Variants in LHX9 observed in about 807,000 individuals in gnomAD.
LHX9 encodes LIM/homeobox protein Lhx9.
A neutral mutation model predicts 36.5 loss-of-function variants in LHX9; 9 were observed. That is an observed-to-expected ratio of 0.25 (90% CI 0.15 to 0.43). The LOEUF is 0.43. Ranked by LOEUF, LHX9 falls within the 20% of genes least tolerant of loss-of-function variation. The pLI is 1.00. For synonymous variants in LHX9, 211 were observed against 212.1 expected, an observed-to-expected ratio of 0.99 and a Z score of 0.04; for missense variants, 464 against 526.4, an observed-to-expected ratio of 0.88 and a Z score of 1.16.
chr1:197,917,628 C>A lies in LHX9; in HGVS notation c.-196C>A. The A allele has an allele frequency of 6.6e-7, 1 of 1,504,880 alleles. No homozygotes were observed. Among genetic ancestry groups the A allele is most frequent in the East Asian group, 2.5e-5 (1 of 39,740 alleles). 93.2% of individuals were successfully genotyped at this position (1,504,880 alleles called of 1,614,324 possible). A position where few individuals can be genotyped will look rare whatever the true frequency, so the allele number is the denominator to read the frequency against. On this transcript the variant is annotated 5_prime_UTR_variant, in exon 1 of 5. Transcript: ENST00000367387. ...CTCCTTCAGGGAGCCGCTGAGGCTT[C>A]CCCCCAACTCTTCCCAGTTCTTTTT... is the stretch of plus-strand genomic sequence containing the variant.
At chr1:197,917,340 C>G (rs989162813), upstream of LHX9, 2 of 1,275,276 alleles carry the variant, frequency 1.6e-6, no homozygotes, top group East Asian at 5.5e-5. Context: ...GCTTTAGTCT[C>G]TTAACAAATT....
At chr1:197,912,748 G>A (rs578032471), upstream of LHX9, 12 of 682,686 alleles carry the variant, frequency 1.8e-5, no homozygotes, top group East Asian at 7.6e-5. Flanking sequence ...CTCCTGATAG[G>A]ACTCCTGAAA....
At chr1:197,913,569 C>T (rs1403430565), upstream of LHX9, among the ~76,000 whole-genome samples, 2 of 152,300 alleles carry the variant, frequency 1.3e-5, no homozygotes, top group African/African-American at 4.8e-5. Flanking sequence ...CCCAGCGTGT[C>T]CCGGCAATCC....
In LHX9 at chr1:197,921,160, T is replaced by G. The variant is rs1659972527; in HGVS notation, c.378-144T>G. ...TTATCAGAAAAGGTCGATGAGCAAA[T>G]AAAATTAATGCCTACTCTCCTGTCC... On this transcript the variant is annotated intron_variant, in intron 2 of 4. Transcript: ENST00000367387. The surrounding 1 kb of genome is among the most constrained non-coding windows in gnomAD (Gnocchi z 4.6). 6.9e-6 allele frequency: 4 copies of G among 583,428 alleles called. No individual in the cohort carries two copies. The highest frequency in any genetic ancestry group is 8.9e-6 in the Non-Finnish European group (3 of 338,820). 36.1% of individuals were successfully genotyped at this position (583,428 alleles called of 1,614,324 possible).
intron 2 of LHX9, among the ~76,000 whole-genome samples, chr1:197,920,793 C>G (rs1035197217): frequency 2.0e-5 from 3 of 152,112 alleles, no homozygotes; most frequent in Admixed American, 1.3e-4. Context: ...GTGCAGGTGA[C>G]CTAGTTCCGC....
rs980509837 is a variant in LHX9 at position 197,932,316 on chromosome 1, A to G, written c.*3057A>G. 1.5e-5 allele frequency: 3 copies of G among 203,138 alleles called. No homozygotes were observed. The highest frequency in any genetic ancestry group is 6.9e-5 in the African/African-American group (3 of 43,400). The allele number at this position is 203,138 out of a possible 1,614,324, so 12.6% of individuals were successfully genotyped here. ...AGCACAGTTGTAAAATAAAGTCCAA[A>G]ACATTCATTTCACCTGCTTGCTAAT... On this transcript the variant is annotated 3_prime_UTR_variant, in exon 5 of 5. Coordinates refer to ENST00000367387, the MANE Select transcript of LHX9 (RefSeq NM_020204.3).
rs144559556 is a variant in LHX9 at position 197,933,432 on chromosome 1, TGTCA to T, written c.*4176_*4179del. 3.8e-4 allele frequency: 58 copies of T among 152,294 alleles called. 1 individual carries two copies. In the East Asian group the frequency reaches 0.011, roughly 28 times the overall value. The allele number at this position is 152,294 out of a possible 1,614,324, so 9.4% of individuals were successfully genotyped here. On this transcript the variant is annotated 3_prime_UTR_variant, in exon 5 of 5. Transcript: ENST00000367387. ...GAGTGATCACAAATCATGCTGGTTTTGTCAGTAACTTGAATGTTTATGCCTCATT... is the reference window on the plus strand; with the variant it reads ...GAGTGATCACAAATCATGCTGGTTTTGTAACTTGAATGTTTATGCCTCATT...
Position 197,921,718 on chromosome 1 carries a change from A to G in LHX9, c.733+59A>G, listed in dbSNP as rs980744338. On this transcript the variant is annotated intron_variant, in intron 3 of 4. Transcript: ENST00000367387. The surrounding 1 kb of genome is among the most constrained non-coding windows in gnomAD (Gnocchi z 4.6). The stretch of plus-strand genomic sequence containing the variant: ...CGGCCTCCCTGAGGAAAATTCGTAG[A>G]GCTCCTTCCCCGTCCAAAGTCTTGC... 7.3e-7 allele frequency: 1 copy of G among 1,376,964 alleles called. No individual in the cohort carries two copies. Among genetic ancestry groups the G allele is most frequent in the Non-Finnish European group, 9.8e-7 (1 of 1,024,932 alleles). 85.3% of individuals were successfully genotyped at this position (1,376,964 alleles called of 1,614,324 possible). A position where few individuals can be genotyped will look rare whatever the true frequency, so the allele number is the denominator to read the frequency against.
intron 1 of LHX9, among the ~76,000 whole-genome samples, 188 bp from the exon 2 acceptor site, chr1:197,919,784 G>C (rs1385290108): frequency 6.6e-6 from 1 of 152,256 alleles, no homozygotes; most frequent in Middle Eastern, 3.2e-3. Context: ...GGCAGACACG[G>C]AAGAAAGCAA....
In LHX9 at chr1:197,932,940, G is replaced by T. The variant is rs1400376908; in HGVS notation, c.*3681G>T. ...TGAGTTTACATGTTTGCTATGCAAT[G>T]AACAAATTTATTGATGTATACAAAT... On this transcript the variant is annotated 3_prime_UTR_variant, in exon 5 of 5. Transcript: ENST00000367387. 1.3e-5 allele frequency: 2 copies of T among 151,902 alleles called. No individual in the cohort carries two copies. Among genetic ancestry groups the T allele is most frequent in the Non-Finnish European group, 2.9e-5 (2 of 67,902 alleles). The allele number at this position is 151,902 out of a possible 1,614,324, so 9.4% of individuals were successfully genotyped here.
chr1:197,926,928 T>A lies in LHX9; in HGVS notation c.734-663T>A, dbSNP rs777225403. Among the ~76,000 whole-genome samples, 7 of 152,386 alleles carry A rather than the reference T, an allele frequency of 4.6e-5. No homozygotes were observed. In the Middle Eastern group the frequency reaches 0.01, roughly 222 times the overall value. ...AAAGCTGAAACAAATAATATTCTTA[T>A]GTTTACATAAGAAATTCACAAATTT... On this transcript the variant is annotated intron_variant, in intron 3 of 4. Transcript: ENST00000367387.
rs562140354 is a variant in LHX9, at chr1:197,918,039, C to A, written c.174+42C>A. 47 of 1,591,996 alleles carry A rather than the reference C, an allele frequency of 3.0e-5. No homozygotes were observed. The South Asian group carries it at 3.2e-4, about 11-fold the overall frequency. ...CCGCGGCGGTAGCCGGGCACCCCTG[C>A]GCCCTCTGTTAAACCAAGCCGACTC... On this transcript the variant is annotated intron_variant, in intron 1 of 4. Transcript: ENST00000367387.
At chr1:197,927,031 A>T (rs6692087) in intron 3 of LHX9, among the ~76,000 whole-genome samples, 5,239 of 152,274 alleles carry the variant, frequency 0.034, 310 homozygotes, top group African/African-American at 0.12. Context: ...ATATGAGAAA[A>T]GGCTAACCCT....
Position 197,934,838 on chromosome 1 carries a change from C to T in LHX9, c.*5579C>T, listed in dbSNP as rs1428361543. On this transcript the variant is annotated 3_prime_UTR_variant, in exon 5 of 5. Coordinates refer to ENST00000367387, the MANE Select transcript of LHX9 (RefSeq NM_020204.3). ...CATTTTAATAATAGTGCTCTGCCCTCACAACAGTTTTTTTTTCAGAATAAT... is the reference window on the plus strand; with the variant it reads ...CATTTTAATAATAGTGCTCTGCCCTTACAACAGTTTTTTTTTCAGAATAAT... The T allele has an allele frequency of 1.3e-5, 2 of 151,532 alleles. No individual in the cohort carries two copies. Among genetic ancestry groups the T allele is most frequent in the African/African-American group, 4.9e-5 (2 of 41,216 alleles). 9.4% of individuals were successfully genotyped at this position (151,532 alleles called of 1,614,324 possible). A position where few individuals can be genotyped will look rare whatever the true frequency, so the allele number is the denominator to read the frequency against.
At chr1:197,927,482 CT>C in intron 3 of LHX9, 108 bp from the exon 4 acceptor site, 5 of 933,494 alleles carry the variant, frequency 5.4e-6, no homozygotes, top group Non-Finnish European at 8.7e-6. Context: ...GGTTGACAAC[CT>C]TTTTCACTGC....
chr1:197,925,417 C>T (rs912728858), intron 3 of LHX9, among the ~76,000 whole-genome samples: 2 of 152,094 alleles, frequency 1.3e-5, no homozygotes, highest in Non-Finnish European at 2.9e-5. Context: ...TCCTCTGTCC[C>T]AAGTGTGAAA....
At chr1:197,925,361 T>G (rs1278452326) in intron 3 of LHX9, among the ~76,000 whole-genome samples, 1 of 152,130 alleles carries the variant, frequency 6.6e-6, no homozygotes, top group African/African-American at 2.4e-5. Flanking sequence ...ATTACCTTGG[T>G]GTGGAGTGGG....
chr1:197,925,976 C>T lies in LHX9; in HGVS notation c.734-1615C>T, dbSNP rs560821262. 7.9e-5 allele frequency among the ~76,000 whole-genome samples: 12 copies of T among 152,286 alleles called. No individual in the cohort carries two copies. The South Asian group carries it at 2.5e-3, about 32-fold the overall frequency. On this transcript the variant is annotated intron_variant, in intron 3 of 4. Coordinates refer to ENST00000367387, the MANE Select transcript of LHX9 (RefSeq NM_020204.3). ...ATAGTCAGTTCCCTCAATGAACTCA[C>T]CTGTTCTTTTGCCAAGTGTGTCCTC...
At chr1:197,912,790 T>C (rs1659655332), upstream of LHX9, 1 of 583,012 alleles carries the variant, frequency 1.7e-6, no homozygotes. Context: ...TGACTGTCTT[T>C]GACTTTCCTC....
Sources: allele counts gnomAD v4.1 joint callset (sites outside exome capture counted in the v4.1 genomes callset), GRCh38; gene constraint gnomAD v4.1.1; non-coding constraint Gnocchi (gnomAD v3.1); transcripts MANE v1.5; gene names NCBI Gene and HGNC (gene_info 2026-07-23, HGNC 2026-07-21).